Variants in ENPP5 observed in about 807,000 individuals in gnomAD.
ENPP5 encodes E-NPP 5.
ENPP5 carries 27 observed loss-of-function variants against 33.7 expected under a neutral mutation model. The ratio of observed to expected loss-of-function variants is 0.80; its 90% confidence interval spans 0.59 to 1.11. The LOEUF is 1.11. Among genes scored for constraint, ENPP5 ranks in the 50% least tolerant of loss-of-function variants. The pLI is 0.00. For missense variants in ENPP5, 552 were observed against 579.2 expected (o/e 0.95, Z 0.48); for synonymous variants, 199 against 200.5 (o/e 0.99, Z 0.06).
In ENPP5 at chr6:46,159,829, C is replaced by G. The variant is rs1307040222; in HGVS notation, c.*1497G>C. On this transcript the variant is annotated 3_prime_UTR_variant, in exon 5 of 5. Coordinates refer to ENST00000371383, the MANE Select transcript of ENPP5 (RefSeq NM_001290072.2). ...CATATATATACATGAAATCACAGTA[C>G]TATCCATGTGTCTGTAAAATGCTAT... 6.6e-6 allele frequency: 1 copy of G among 152,176 alleles called. No individual in the cohort carries two copies. The highest frequency in any genetic ancestry group is 1.5e-5 in the Non-Finnish European group (1 of 68,030). 9.4% of individuals were successfully genotyped at this position (152,176 alleles called of 1,614,324 possible).
In ENPP5 at chr6:46,165,811, A is replaced by G. The variant is rs73448540; in HGVS notation, c.830-248T>C. 5.2e-3 allele frequency among the ~76,000 whole-genome samples: 788 copies of G among 152,302 alleles called. 8 individuals are homozygous for G. Among genetic ancestry groups the G allele is most frequent in the African/African-American group, 0.017 (718 of 41,558 alleles). ...CCTCTAAAGACTTCAATACACACAC[A>G]TATTAATTAGTGACACTATGTAAAA... is the stretch of plus-strand genomic sequence containing the variant. On this transcript the variant is annotated intron_variant, in intron 3 of 4. Coordinates refer to ENST00000371383, the MANE Select transcript of ENPP5 (RefSeq NM_001290072.2).
intron 4 of ENPP5, among the ~76,000 whole-genome samples, chr6:46,163,926 A>G (rs1363256319): frequency 6.6e-6 from 1 of 152,140 alleles, no homozygotes; most frequent in African/African-American, 2.4e-5. Flanking sequence ...CCTTCCTTAC[A>G]CCTTATACAA....
At chr6:46,162,964 GATAATT>G (rs1426173504) in intron 4 of ENPP5, among the ~76,000 whole-genome samples, 14 of 152,262 alleles carry the variant, frequency 9.2e-5, no homozygotes, top group Admixed American at 2.0e-4. Flanking sequence ...TGAAGGCAAA[GATAATT>G]ATCTTATATC....
chr6:46,166,345 G>A (rs1227823182), intron 3 of ENPP5, among the ~76,000 whole-genome samples: 8 of 150,788 alleles, frequency 5.3e-5, no homozygotes, highest in Non-Finnish European at 1.2e-4. Flanking sequence ...CCAAGGAGGA[G>A]TGCAGTGATA....
At position 46,161,511 on chromosome 6, in the gene ENPP5, G is replaced by A; in HGVS notation, c.1249C>T (p.Pro417Ser). ...VPYTQSTILL[P>S]GSVKPAEYDQ... is the part of the protein sequence containing the mutation. ...TATTCTGCTGGTTTAACACTACCAG[G>A]GAGGAGTATAGTACTCTGTGTATAA... Residue 417 changes from proline (P) to serine (S), a missense_variant, in exon 5 of 5, where the codon CCT becomes TCT. By Grantham distance (74) the Pro-to-Ser change is moderately conservative (BLOSUM62 -1). Coordinates refer to ENST00000371383, the MANE Select transcript of ENPP5 (RefSeq NM_001290072.2). 1 of 1,614,004 alleles carries A rather than the reference G, an allele frequency of 6.2e-7. No homozygotes were observed. The highest frequency in any genetic ancestry group is 8.5e-7 in the Non-Finnish European group (1 of 1,179,886).
rs144047978 is a variant in ENPP5 at position 46,168,191 on chromosome 6, T to G, written c.72A>C (p.Gln24His). ...ALSLSTTFSL[Q>H]PDQQKVLLVS... is the part of the protein sequence containing the mutation. Reference sequence around the variant, plus strand: ...CTAGTAGAACCTTTTGCTGGTCTGGTTGGAGAGAAAAGGTGGTTGAAAGAC... The same window carrying G: ...CTAGTAGAACCTTTTGCTGGTCTGGGTGGAGAGAAAAGGTGGTTGAAAGAC... Residue 24 changes from glutamine (Q) to histidine (H), a missense_variant, in exon 3 of 5, where the codon CAA becomes CAC. By Grantham distance (24) the Gln-to-His change is conservative (BLOSUM62 0). Transcript: ENST00000371383. 1 of 1,612,104 alleles carries G rather than the reference T, an allele frequency of 6.2e-7. No individual in the cohort carries two copies.
rs1191437248 is a variant in ENPP5, at chr6:46,166,442, A to C, written c.830-879T>G. The stretch of plus-strand genomic sequence containing the variant: ...GGACACAGGCATGTGTCACCACACC[A>C]GGCTATTTTTTTTTTTTTTTTTTTT... On this transcript the variant is annotated intron_variant, in intron 3 of 4. Coordinates refer to ENST00000371383, the MANE Select transcript of ENPP5 (RefSeq NM_001290072.2). Among the ~76,000 whole-genome samples, 6 of 134,118 alleles carry C rather than the reference A, an allele frequency of 4.5e-5. No homozygotes were observed. In the East Asian group the frequency reaches 1.3e-3, roughly 29 times the overall value. 88.0% of individuals were successfully genotyped at this position (134,118 alleles called of 152,430 possible).
rs540496214 is a variant in ENPP5 at position 46,170,837 on chromosome 6, G to C, written c.-127C>G. 1.2e-4 allele frequency: 19 copies of C among 152,252 alleles called. No homozygotes were observed. Among genetic ancestry groups the C allele is most frequent in the Non-Finnish European group, 2.1e-4 (14 of 68,082 alleles). The allele number at this position is 152,252 out of a possible 1,614,324, so 9.4% of individuals were successfully genotyped here. A position where few individuals can be genotyped will look rare whatever the true frequency, so the allele number is the denominator to read the frequency against. On this transcript the variant is annotated 5_prime_UTR_variant, in exon 1 of 5. Transcript: ENST00000371383. The stretch of plus-strand genomic sequence containing the variant: ...GCAGCGATCCGTTCAGTCCGTATTA[G>C]TTTGGAGCAACGGGAGGGAGGGTCT...
chr6:46,163,283 A>G (rs1460218891), intron 4 of ENPP5, among the ~76,000 whole-genome samples: 1 of 151,184 alleles, frequency 6.6e-6, no homozygotes, highest in Non-Finnish European at 1.5e-5. Flanking sequence ...AGTTACATAT[A>G]TATACATGTG....
At chr6:46,162,659 A>G (rs1764426682) in intron 4 of ENPP5, among the ~76,000 whole-genome samples, 1 of 152,164 alleles carries the variant, frequency 6.6e-6, no homozygotes, top group Non-Finnish European at 1.5e-5. Context: ...CCTCGAAAAA[A>G]TCCTAAATCA....
Position 46,161,193 on chromosome 6 carries a change from G to A in ENPP5, c.*133C>T, listed in dbSNP as rs1381769927. On this transcript the variant is annotated 3_prime_UTR_variant, in exon 5 of 5. Coordinates refer to ENST00000371383, the MANE Select transcript of ENPP5 (RefSeq NM_001290072.2). ...TGTGTATGTGTGTGTGTGTGTGTGT[G>A]TATACCTAAATATGTAACTGCTTAA... is the stretch of plus-strand genomic sequence containing the variant. 12 of 645,148 alleles carry A rather than the reference G, an allele frequency of 1.9e-5. No homozygotes were observed. Among genetic ancestry groups the A allele is most frequent in the East Asian group, 5.6e-5 (2 of 35,722 alleles). 40.0% of individuals were successfully genotyped at this position (645,148 alleles called of 1,614,324 possible).
chr6:46,163,743 G>A (rs1764459565), intron 4 of ENPP5, among the ~76,000 whole-genome samples: 1 of 152,028 alleles, frequency 6.6e-6, no homozygotes, highest in Non-Finnish European at 1.5e-5. Context: ...GTGTGAGATG[G>A]TATCTCATTG....
At position 46,159,900 on chromosome 6, in the gene ENPP5, A is replaced by G. The variant is rs1227852998; in HGVS notation, c.*1426T>C. ...CTTTTCAGGGCTTCCTCTTTCCTCT[A>G]AGAAGCCACATGTAATACTATGCCT... On this transcript the variant is annotated 3_prime_UTR_variant, in exon 5 of 5. Transcript: ENST00000371383. 1 of 152,174 alleles carries G rather than the reference A, an allele frequency of 6.6e-6. No individual in the cohort carries two copies. The highest frequency in any genetic ancestry group is 2.4e-5 in the African/African-American group (1 of 41,432). 9.4% of individuals were successfully genotyped at this position (152,174 alleles called of 1,614,324 possible).
At chr6:46,169,773 G>C (rs1322781803) in intron 2 of ENPP5, among the ~76,000 whole-genome samples, 2 of 152,122 alleles carry the variant, frequency 1.3e-5, no homozygotes, top group Non-Finnish European at 2.9e-5. Flanking sequence ...AAACTACTTG[G>C]CATGCTTGCT....
chr6:46,170,922 C>T lies in ENPP5; in HGVS notation c.-212G>A, dbSNP rs1364982189. The stretch of plus-strand genomic sequence containing the variant: ...GCGGGAGGGTGACTGGAGGAACGCC[C>T]CCGGAACGCGCAGGAGCTCACCTGC... On this transcript the variant is annotated 5_prime_UTR_variant, in exon 1 of 5. Transcript: ENST00000371383. 1 of 152,276 alleles carries T rather than the reference C, an allele frequency of 6.6e-6. No individual in the cohort carries two copies. Among genetic ancestry groups the T allele is most frequent in the African/African-American group, 2.4e-5 (1 of 41,450 alleles). 9.4% of individuals were successfully genotyped at this position (152,276 alleles called of 1,614,324 possible).
chr6:46,169,129 T>G lies in ENPP5; in HGVS notation c.-35-832A>C, dbSNP rs1358220616. Among the ~76,000 whole-genome samples the G allele has an allele frequency of 6.6e-5, 10 of 152,184 alleles. No homozygotes were observed. The East Asian group carries it at 1.9e-3, about 29-fold the overall frequency. ...GCTCTGTGAATCAAGGTTGCTGGTC[T>G]TTTCCCCTAATCTGTGTATATTTCT... On this transcript the variant is annotated intron_variant, in intron 2 of 4. Coordinates refer to ENST00000371383, the MANE Select transcript of ENPP5 (RefSeq NM_001290072.2).
chr6:46,167,620 A>T lies in ENPP5; in HGVS notation c.643T>A (p.Leu215Ile), dbSNP rs1764591036. The T allele has an allele frequency of 1.2e-6, 2 of 1,613,990 alleles. No individual in the cohort carries two copies. Among genetic ancestry groups the T allele is most frequent in the Admixed American group, 3.3e-5 (2 of 60,008 alleles). ...GPVISDIDKK[L>I]GYLIQMLKKA... ...TTCAGCATTTGTATGAGATATCCTA[A>T]CTTCTTGTCAATATCTGAAATGACA... is the stretch of plus-strand genomic sequence containing the variant. The change falls in exon 3 of 5, where the codon TTA becomes ATA. Residue 215 changes from leucine (L) to isoleucine (I), a missense_variant. Transcript: ENST00000371383.
chr6:46,168,186 T>C lies in ENPP5; in HGVS notation c.77A>G (p.Asp26Gly), dbSNP rs1245478556. ...AGAAACTAGTAGAACCTTTTGCTGGTCTGGTTGGAGAGAAAAGGTGGTTGA... is the reference window on the plus strand; with the variant it reads ...AGAAACTAGTAGAACCTTTTGCTGGCCTGGTTGGAGAGAAAAGGTGGTTGA... The part of the protein sequence containing the change: ...SLSTTFSLQP[D>G]QQKVLLVSFD... Residue 26 changes from aspartate to glycine, a missense_variant, in exon 3 of 5, where the codon GAC becomes GGC. Asp to Gly is a moderately conservative substitution (Grantham distance 94). Coordinates refer to ENST00000371383, the MANE Select transcript of ENPP5 (RefSeq NM_001290072.2). 2 of 1,612,540 alleles carry C rather than the reference T, an allele frequency of 1.2e-6. No individual in the cohort carries two copies. Among genetic ancestry groups the C allele is most frequent in the East Asian group, 4.5e-5 (2 of 44,850 alleles).
In ENPP5 at chr6:46,161,200, T is replaced by A; in HGVS notation, c.*126A>T. The A allele has an allele frequency of 2.8e-6, 2 of 713,042 alleles. No individual in the cohort carries two copies. Among genetic ancestry groups the A allele is most frequent in the Non-Finnish European group, 4.6e-6 (2 of 435,178 alleles). 44.2% of individuals were successfully genotyped at this position (713,042 alleles called of 1,614,324 possible). A position where few individuals can be genotyped will look rare whatever the true frequency, so the allele number is the denominator to read the frequency against. ...GTGTGTGTGTGTGTGTGTGTATACC[T>A]AAATATGTAACTGCTTAATGGTTTC... On this transcript the variant is annotated 3_prime_UTR_variant, in exon 5 of 5. Transcript: ENST00000371383.
Sources: gnomAD v4.1 joint callset for allele counts (sites outside exome capture counted in the v4.1 genomes callset) on GRCh38, gnomAD v4.1.1 for gene constraint, MANE v1.5 for transcripts, NCBI Gene and HGNC (gene_info 2026-07-23, HGNC 2026-07-21) for gene names.